The following DLG2 variants were observed in gnomAD, a reference collection of about 807,000 sequenced individuals.
The protein encoded by DLG2 is disks large homolog 2.
In DLG2, 45 loss-of-function variants were observed where a neutral mutation model predicts 132.5. The observed-to-expected ratio is 0.34, with a 90% CI of 0.27 to 0.44. The LOEUF is 0.44. Among genes scored for constraint, DLG2 ranks in the 20% least tolerant of loss-of-function variants. The pLI is 1.00. For synonymous variants in DLG2, 424 were observed against 419.6 expected, an observed-to-expected ratio of 1.01 and a Z score of -0.13; for missense variants, 1,045 against 1,196.9, an observed-to-expected ratio of 0.87 and a Z score of 1.87.
chr11:84,224,593 A>T (rs902629155), intron 8 of DLG2, among the ~76,000 whole-genome samples: 3 of 152,190 alleles, frequency 2.0e-5, no homozygotes, highest in Non-Finnish European at 4.4e-5. Context: ...GTCATTCTTA[A>T]TCCTATGTGA....
rs904711293 is a variant in DLG2, at chr11:84,128,803, A to G, written c.625-29756T>C. Among the ~76,000 whole-genome samples the G allele has an allele frequency of 2.6e-5, 4 of 152,250 alleles. No individual in the cohort carries two copies. The South Asian group carries it at 6.2e-4, about 24-fold the overall frequency. ...TAAACCAAAAAATCACAAGGGGGAA[A>G]AAAAACACAAGCAGTAGCCATTTAA... On this transcript the variant is annotated intron_variant, in intron 9 of 27. Transcript: ENST00000376104.
chr11:83,794,271 T>A (rs2042236000), intron 17 of DLG2, among the ~76,000 whole-genome samples: 1 of 152,182 alleles, frequency 6.6e-6, no homozygotes, highest in South Asian at 2.1e-4. Context: ...TCTTCTCCAG[T>A]CTTTCAAACT....
At chr11:84,063,226 A>G (rs1184748055) in intron 10 of DLG2, among the ~76,000 whole-genome samples, 2 of 152,224 alleles carry the variant, frequency 1.3e-5, no homozygotes, top group East Asian at 1.9e-4. Flanking sequence ...AGTCTACAGT[A>G]TTCATCTGCA....
At chr11:84,788,883 G>T (rs939125135) in intron 6 of DLG2, among the ~76,000 whole-genome samples, 1 of 152,056 alleles carries the variant, frequency 6.6e-6, no homozygotes, top group African/African-American at 2.4e-5. Flanking sequence ...TCCTTTTCCA[G>T]CCTCATCACT....
chr11:84,333,373 C>T (rs957086793), intron 7 of DLG2, among the ~76,000 whole-genome samples: 5 of 152,174 alleles, frequency 3.3e-5, no homozygotes, highest in African/African-American at 1.2e-4. Flanking sequence ...TCTAGGACCA[C>T]GTCAACCATT....
At chr11:84,673,756 A>G (rs2099708479) in intron 6 of DLG2, among the ~76,000 whole-genome samples, 1 of 152,106 alleles carries the variant, frequency 6.6e-6, no homozygotes, top group Non-Finnish European at 1.5e-5. Context: ...AATTAAATGT[A>G]TCTCCTTAAC....
intron 3 of DLG2, among the ~76,000 whole-genome samples, chr11:85,425,836 A>C (rs1254852890): frequency 6.6e-6 from 1 of 152,200 alleles, no homozygotes; most frequent in Admixed American, 6.5e-5. Context: ...AAGCAGGGCA[A>C]GGCATCGCCT....
intron 6 of DLG2, among the ~76,000 whole-genome samples, chr11:84,860,096 G>A (rs541670825): frequency 3.4e-4 from 51 of 152,054 alleles, no homozygotes; most frequent in Non-Finnish European, 5.9e-4. Context: ...AATGTTTTAC[G>A]TATAACCAGA....
chr11:83,998,185 G>T (rs537937530), intron 11 of DLG2, among the ~76,000 whole-genome samples: 275 of 152,196 alleles, frequency 1.8e-3, no homozygotes, highest in South Asian at 6.0e-3. Flanking sequence ...TGGAGGAGGA[G>T]CACACTCTGG....
intron 19 of DLG2, among the ~76,000 whole-genome samples, chr11:83,545,352 G>A (rs2096210864): frequency 6.6e-6 from 1 of 152,106 alleles, no homozygotes; most frequent in African/African-American, 2.4e-5. Context: ...CTCAATAAAT[G>A]TAAGATATTA....
At chr11:85,048,103 C>T (rs184321967) in intron 6 of DLG2, among the ~76,000 whole-genome samples, 3 of 151,580 alleles carry the variant, frequency 2.0e-5, no homozygotes, top group Non-Finnish European at 4.4e-5. Flanking sequence ...AGAGCAATAC[C>T]TTTTTTTGAC....
At chr11:85,191,683 A>T (rs1053710539) in intron 4 of DLG2, among the ~76,000 whole-genome samples, 1 of 152,184 alleles carries the variant, frequency 6.6e-6, no homozygotes, top group Non-Finnish European at 1.5e-5. Context: ...TATCTCATGT[A>T]TGACCCAGGA....
At position 83,930,480 on chromosome 11, in the gene DLG2, A is replaced by G; in HGVS notation, c.1344T>C (p.Pro448=). Residue 448 remains proline (P), a synonymous_variant, in exon 15 of 28, where the codon CCT becomes CCC. Transcript: ENST00000376104. ...TCACAGTGCTGTAAACAGGTTCCGG[A>G]GGCCTGGTGATACAAGAGGAAGAGA... ...HMLVDDDYTR[P]PEPVYSTVNK... 1 of 1,613,672 alleles carries G rather than the reference A, an allele frequency of 6.2e-7. No individual in the cohort carries two copies. Among genetic ancestry groups the G allele is most frequent in the Non-Finnish European group, 8.5e-7 (1 of 1,179,700 alleles).
intron 15 of DLG2, among the ~76,000 whole-genome samples, chr11:83,912,078 C>G (rs2076165296): frequency 6.6e-6 from 1 of 151,536 alleles, no homozygotes; most frequent in Non-Finnish European, 1.5e-5. Flanking sequence ...TGCTGAGGGG[C>G]TATCAGCATA....
rs1448545824 is a variant in DLG2, at chr11:84,711,359, AGAGAGAGAGAGAGAGAGAGAGATC to A, written c.358-176652_358-176629del. On this transcript the variant is annotated intron_variant, in intron 6 of 27. Transcript: ENST00000376104. ...GAGAGAGAGAGAGAGAGAGAGAGAG[AGAGAGAGAGAGAGAGAGAGAGATC>A]GATCGATCTAGCTATCCTCCCCCAC... Among the ~76,000 whole-genome samples the A allele has an allele frequency of 1.2e-3, 113 of 96,316 alleles. 2 individuals carry two copies. Among genetic ancestry groups the A allele is most frequent in the African/African-American group, 1.2e-3 (13 of 10,654 alleles). 63.2% of individuals were successfully genotyped at this position (96,316 alleles called of 152,430 possible).
intron 6 of DLG2, among the ~76,000 whole-genome samples, chr11:84,765,238 C>T (rs1367442955): frequency 3.3e-5 from 5 of 150,850 alleles, no homozygotes; most frequent in Non-Finnish European, 6.0e-5. Flanking sequence ...TAAATGTATG[C>T]CAGGTTGAAT....
intron 3 of DLG2, among the ~76,000 whole-genome samples, chr11:85,436,492 G>A (rs2091486599): frequency 6.6e-6 from 1 of 151,888 alleles, no homozygotes; most frequent in African/African-American, 2.4e-5. Flanking sequence ...ATTCAAAAGG[G>A]GGCAAAAGAT....
chr11:85,460,199 C>T (rs2092560898), intron 3 of DLG2, among the ~76,000 whole-genome samples: 1 of 152,138 alleles, frequency 6.6e-6, no homozygotes, highest in Admixed American at 6.5e-5. Context: ...CAGCCACTTT[C>T]CTGGGGGAAT....
chr11:84,512,133 A>G (rs1047434151), intron 7 of DLG2, among the ~76,000 whole-genome samples: 3 of 152,178 alleles, frequency 2.0e-5, no homozygotes, highest in Non-Finnish European at 2.9e-5. Flanking sequence ...CATATAAGCA[A>G]CAGACCACAT....
Sources: gnomAD v4.1 joint callset for allele counts (sites outside exome capture counted in the v4.1 genomes callset) on GRCh38, gnomAD v4.1.1 for gene constraint, MANE v1.5 for transcripts, NCBI Gene and HGNC (gene_info 2026-07-23, HGNC 2026-07-21) for gene names.